Variants in ANO4 observed in about 807,000 individuals in gnomAD.
ANO4 encodes anoctamin 4.
In ANO4, 69 loss-of-function variants were observed where a neutral mutation model predicts 141.9. The observed-to-expected ratio is 0.49, with a 90% CI of 0.40 to 0.59. The LOEUF is 0.59. Ranked by LOEUF, ANO4 falls within the 20% of genes least tolerant of loss-of-function variation. The pLI, the probability that ANO4 is intolerant of heterozygous loss-of-function variation, is 0.00. For missense variants in ANO4, 894 were observed against 1,162.2 expected, an observed-to-expected ratio of 0.77 and a Z score of 3.36; for synonymous variants, 350 against 394.3, an observed-to-expected ratio of 0.89 and a Z score of 1.33.
At chr12:100,910,114 T>G (rs965390451) in intron 2 of ANO4, among the ~76,000 whole-genome samples, 8 of 152,206 alleles carry the variant, frequency 5.3e-5, no homozygotes, top group African/African-American at 1.9e-4. Flanking sequence ...TAATGTATTA[T>G]GTCTGGCAAT....
At chr12:101,042,062 G>T (rs1020456423) in intron 11 of ANO4, among the ~76,000 whole-genome samples, 1 of 152,008 alleles carries the variant, frequency 6.6e-6, no homozygotes, top group African/African-American at 2.4e-5. Flanking sequence ...TGCCCACTCC[G>T]GCCCCTTCCA....
intron 1 of ANO4, among the ~76,000 whole-genome samples, chr12:100,798,292 T>C (rs1435509624): frequency 6.6e-6 from 1 of 152,198 alleles, no homozygotes; most frequent in Non-Finnish European, 1.5e-5. Flanking sequence ...GCCAATATAA[T>C]CCCTTTTACC....
chr12:101,003,951 A>C (rs1592985726), intron 8 of ANO4, among the ~76,000 whole-genome samples: 1 of 152,138 alleles, frequency 6.6e-6, no homozygotes, highest in African/African-American at 2.4e-5. Context: ...CAAATCAAAA[A>C]TCTATCTTTA....
intron 3 of ANO4, among the ~76,000 whole-genome samples, chr12:100,780,402 C>T (rs565103996): frequency 6.6e-6 from 1 of 152,252 alleles, no homozygotes; most frequent in Admixed American, 6.5e-5. Context: ...CAATAGCACT[C>T]GTGGATTGCT....
intron 1 of ANO4, among the ~76,000 whole-genome samples, chr12:100,881,201 G>T (rs1318667610): frequency 1.3e-5 from 2 of 151,616 alleles, no homozygotes; most frequent in Non-Finnish European, 2.9e-5. Context: ...GAGTTAATGG[G>T]TACAGCACAC....
chr12:100,784,180 G>C (rs1046863882), intron 3 of ANO4, among the ~76,000 whole-genome samples: 7 of 152,152 alleles, frequency 4.6e-5, no homozygotes, highest in African/African-American at 1.7e-4. Context: ...ATCCACTCCT[G>C]ACCCAATTCT....
At chr12:100,919,239 G>A (rs184643814) in intron 2 of ANO4, among the ~76,000 whole-genome samples, 1 of 152,178 alleles carries the variant, frequency 6.6e-6, no homozygotes, top group Non-Finnish European at 1.5e-5. Context: ...AATTTAATGT[G>A]GCGTAAGTAT....
intron 16 of ANO4, 24 bp downstream of exon 16, chr12:101,083,842 T>A (rs534867690): frequency 1.3e-6 from 2 of 1,534,984 alleles, no homozygotes; most frequent in East Asian, 4.7e-5. Flanking sequence ...AAAAAAATAT[T>A]TGTTTCATAA....
chr12:101,009,455 A>G (rs1382336896), intron 8 of ANO4, among the ~76,000 whole-genome samples: 1 of 152,146 alleles, frequency 6.6e-6, no homozygotes, highest in Non-Finnish European at 1.5e-5. Context: ...ATTATACTGC[A>G]CTCATTATGA....
intron 14 of ANO4, among the ~76,000 whole-genome samples, chr12:101,072,386 T>C (rs994555087): frequency 6.6e-6 from 1 of 152,164 alleles, no homozygotes; most frequent in African/African-American, 2.4e-5. Context: ...AAACTATGCC[T>C]AGGAGGATAA....
intron 1 of ANO4, among the ~76,000 whole-genome samples, chr12:100,857,181 T>A (rs929395616): frequency 2.0e-5 from 3 of 152,124 alleles, no homozygotes; most frequent in African/African-American, 7.2e-5. Flanking sequence ...GCCATGCACA[T>A]TGTCCAGTTT....
chr12:100,975,988 T>C lies in ANO4; in HGVS notation c.602+1099T>C, dbSNP rs1335630190. On this transcript the variant is annotated intron_variant, in intron 7 of 27. Transcript: ENST00000392977. ...GATGAAGATTGCATCTACTATACTT[T>C]GTATCCTCCGAAAGCTTGTTTTTCC... Among the ~76,000 whole-genome samples the C allele has an allele frequency of 3.3e-5, 5 of 151,662 alleles. No individual in the cohort carries two copies. The East Asian group carries it at 7.7e-4, about 23-fold the overall frequency.
At chr12:100,904,785 A>G (rs2040760048) in intron 2 of ANO4, among the ~76,000 whole-genome samples, 1 of 152,168 alleles carries the variant, frequency 6.6e-6, no homozygotes, top group Admixed American at 6.5e-5. Flanking sequence ...ACAGGATGTA[A>G]TATAGACTAT....
intron 14 of ANO4, among the ~76,000 whole-genome samples, chr12:101,059,591 T>A (rs1386184948): frequency 6.6e-6 from 1 of 152,200 alleles, no homozygotes; most frequent in African/African-American, 2.4e-5. Flanking sequence ...CTTTTTCTTC[T>A]TCCTGGTTTA....
chr12:100,763,528 CT>C (rs1255455379), intron 3 of ANO4, among the ~76,000 whole-genome samples: 1 of 152,214 alleles, frequency 6.6e-6, no homozygotes, highest in Non-Finnish European at 1.5e-5. Context: ...AGCTCTCCAG[CT>C]CCTTACACAT....
chr12:100,876,079 C>T (rs1191872893), intron 1 of ANO4, among the ~76,000 whole-genome samples: 1 of 152,112 alleles, frequency 6.6e-6, no homozygotes, highest in Non-Finnish European at 1.5e-5. Flanking sequence ...TTTACTGTTG[C>T]AGTCTTGAAA....
Position 100,759,446 on chromosome 12 carries a change from T to G in ANO4, c.358+19341T>G, listed in dbSNP as rs936942642. ...TCTTGGCTCAGTCATTTCTTTCTCC[T>G]TGTTCTTCTCTTTCCCACATCTTCA... is the stretch of plus-strand genomic sequence containing the variant. On this transcript the variant is annotated intron_variant, in intron 3 of 29. Transcript: ENST00000644049. Among the ~76,000 whole-genome samples, 3 of 152,196 alleles carry G rather than the reference T, an allele frequency of 2.0e-5. No homozygotes were observed. The South Asian group carries it at 6.2e-4, about 31-fold the overall frequency.
chr12:100,947,357 T>C (rs934337432), intron 5 of ANO4, among the ~76,000 whole-genome samples: 3 of 152,194 alleles, frequency 2.0e-5, no homozygotes, highest in African/African-American at 7.2e-5. Flanking sequence ...CCTATCTGCC[T>C]CTGTGCCCAC....
chr12:100,781,833 A>T (rs1157339370), intron 3 of ANO4, among the ~76,000 whole-genome samples: 1 of 152,248 alleles, frequency 6.6e-6, no homozygotes, highest in Non-Finnish European at 1.5e-5. Context: ...TTAACCAAAG[A>T]CAAATTCAAC....
Sources: gnomAD v4.1 joint callset for allele counts (sites outside exome capture counted in the v4.1 genomes callset) on GRCh38, gnomAD v4.1.1 for gene constraint, MANE v1.5 for transcripts, NCBI Gene and HGNC (gene_info 2026-07-23, HGNC 2026-07-21) for gene names.